Variants in NTN1 observed in about 807,000 individuals in gnomAD.
The protein encoded by NTN1 is netrin-1.
In NTN1, 11 loss-of-function variants were observed where a neutral mutation model predicts 54.2. That is an observed-to-expected ratio of 0.20 (90% CI 0.13 to 0.34). NTN1 has a LOEUF of 0.34. NTN1 is among the 10% of genes least tolerant of loss of function. The probability of loss-of-function intolerance (pLI) is 1.00; values close to 1 mark genes in which losing one functional copy is unlikely to be tolerated. For synonymous variants in NTN1, 371 were observed against 382.0 expected (o/e 0.97, Z 0.33); for missense variants, 740 against 893.1 (o/e 0.83, Z 2.18).
chr17:9,226,500 GTGGT>G (rs1424623172), intron 6 of NTN1, among the ~76,000 whole-genome samples: 89 of 33,794 alleles, frequency 2.6e-3, no homozygotes, highest in East Asian at 0.016. Context: ...TCGTGGGGAG[GTGGT>G]CTCGTGGGGA....
intron 2 of NTN1, among the ~76,000 whole-genome samples, chr17:9,070,979 C>G (rs1257177750): frequency 6.6e-6 from 1 of 152,030 alleles, no homozygotes; most frequent in Non-Finnish European, 1.5e-5. Context: ...CTTCCCAAGA[C>G]TTTTGGGGAC....
At chr17:9,213,519 T>G (rs928546889) in intron 5 of NTN1, among the ~76,000 whole-genome samples, 2 of 152,158 alleles carry the variant, frequency 1.3e-5, no homozygotes, top group Non-Finnish European at 2.9e-5. Context: ...TGGGAAACTG[T>G]GGGGCATAAA....
At chr17:9,080,168 G>A (rs903919763) in intron 2 of NTN1, among the ~76,000 whole-genome samples, 8 of 152,374 alleles carry the variant, frequency 5.3e-5, no homozygotes, top group African/African-American at 1.9e-4. Context: ...TCAGCACATC[G>A]TTGAAATTTG....
At chr17:9,026,563 G>A (rs907286758) in intron 2 of NTN1, among the ~76,000 whole-genome samples, 1 of 152,158 alleles carries the variant, frequency 6.6e-6, no homozygotes, top group Non-Finnish European at 1.5e-5. Flanking sequence ...GTGTAAAGAA[G>A]TACCCATGCA....
At chr17:9,119,311 C>T (rs1215762639) in intron 2 of NTN1, among the ~76,000 whole-genome samples, 2 of 152,068 alleles carry the variant, frequency 1.3e-5, no homozygotes, top group South Asian at 2.1e-4. Context: ...CCTCAGCCTC[C>T]TGAGTAGCTG....
chr17:9,204,284 ATCTCTTTC>A (rs1320421306), intron 5 of NTN1, among the ~76,000 whole-genome samples: 4 of 87,760 alleles, frequency 4.6e-5, no homozygotes, highest in Admixed American at 3.5e-4. Context: ...CTCTTTCTCT[ATCTCTTTC>A]TCTCTCTCTC....
intron 5 of NTN1, among the ~76,000 whole-genome samples, chr17:9,189,615 G>C (rs1904397629): frequency 6.6e-6 from 1 of 152,106 alleles, no homozygotes; most frequent in South Asian, 2.1e-4. Context: ...CTCTCAAAGT[G>C]CTGGGATTAC....
intron 6 of NTN1, among the ~76,000 whole-genome samples, chr17:9,228,903 C>T (rs372627235): frequency 0.34 from 26,549 of 77,392 alleles, 2,580 homozygotes; most frequent in African/African-American, 0.44. Context: ...TGATTGTGTT[C>T]GTGACTGTGT....
intron 2 of NTN1, among the ~76,000 whole-genome samples, chr17:9,064,699 G>A (rs925159006): frequency 6.6e-6 from 1 of 152,118 alleles, no homozygotes; most frequent in Non-Finnish European, 1.5e-5. Flanking sequence ...GATGGCTCTG[G>A]TAGTTCCTTC....
intron 2 of NTN1, among the ~76,000 whole-genome samples, chr17:9,026,011 A>G (rs1365997672): frequency 6.6e-6 from 1 of 152,208 alleles, no homozygotes; most frequent in Non-Finnish European, 1.5e-5. Flanking sequence ...GTCAAGAAGT[A>G]TATATTTTTT....
intron 2 of NTN1, among the ~76,000 whole-genome samples, chr17:9,122,193 A>G (rs2092233703): frequency 6.6e-6 from 1 of 152,076 alleles, no homozygotes; most frequent in African/African-American, 2.4e-5. Flanking sequence ...GCCCGCCACC[A>G]CACCCAGCTA....
chr17:9,095,496 G>A (rs559049141), intron 2 of NTN1, among the ~76,000 whole-genome samples: 9 of 152,288 alleles, frequency 5.9e-5, no homozygotes, highest in South Asian at 4.2e-4. Context: ...TTTCCCTAAC[G>A]CATTCGAAAT....
chr17:9,186,265 C>G (rs1597526345), intron 5 of NTN1, among the ~76,000 whole-genome samples: 1 of 152,336 alleles, frequency 6.6e-6, no homozygotes, highest in South Asian at 2.1e-4. Context: ...ATGACTGGCC[C>G]TCAGAGCCCT....
chr17:9,009,722 T>C, the NTN1 span, among the ~76,000 whole-genome samples: 4 of 152,196 alleles, frequency 2.6e-5, no homozygotes, highest in Admixed American at 6.5e-5. Flanking sequence ...CCTTGAAGCA[T>C]AGAAACTTTT....
intron 2 of NTN1, among the ~76,000 whole-genome samples, chr17:9,037,328 G>A (rs987290505): frequency 2.0e-5 from 3 of 152,100 alleles, no homozygotes; most frequent in African/African-American, 4.8e-5. Flanking sequence ...ACTTCTTGGG[G>A]ATACTGATCC....
intron 2 of NTN1, among the ~76,000 whole-genome samples, chr17:9,098,310 AG>A (rs1253313874): frequency 7.2e-5 from 11 of 152,194 alleles, no homozygotes; most frequent in African/African-American, 2.4e-4. Context: ...CTGGCAGTGC[AG>A]GGTCTCCAGC....
chr17:9,226,198 A>T (rs1597548408), intron 6 of NTN1, among the ~76,000 whole-genome samples: 1 of 146,744 alleles, frequency 6.8e-6, no homozygotes, highest in Non-Finnish European at 1.5e-5. Context: ...CTGCCATGCC[A>T]CTCATATCGG....
intron 5 of NTN1, among the ~76,000 whole-genome samples, chr17:9,208,963 G>T (rs556833735): frequency 3.3e-5 from 5 of 152,202 alleles, no homozygotes; most frequent in Non-Finnish European, 7.4e-5. Context: ...GAGGCCCCAG[G>T]ATCTGGCCCT....
At chr17:9,108,588 C>A (rs940204264) in intron 2 of NTN1, among the ~76,000 whole-genome samples, 3 of 152,168 alleles carry the variant, frequency 2.0e-5, no homozygotes, top group African/African-American at 7.2e-5. Context: ...AAACATTATT[C>A]AGTAGACATA....
Sources: allele counts gnomAD v4.1 joint callset (sites outside exome capture counted in the v4.1 genomes callset), GRCh38; gene constraint gnomAD v4.1.1; transcripts MANE v1.5; gene names NCBI Gene and HGNC (gene_info 2026-07-23, HGNC 2026-07-21).